Variants in DAW1 observed in about 807,000 individuals in gnomAD.
DAW1 encodes dynein assembly factor with WD repeats 1.
DAW1 carries 47 observed loss-of-function variants against 56.5 expected under a neutral mutation model. The ratio of observed to expected loss-of-function variants is 0.83; its 90% CI spans 0.66 to 1.06. The LOEUF (loss-of-function observed/expected upper bound fraction) is 1.06. DAW1 is among the 50% of genes least tolerant of loss of function. The pLI is 0.00. For synonymous variants in DAW1, 190 were observed against 179.0 expected (o/e 1.06, Z -0.49); for missense variants, 505 against 499.3 (o/e 1.01, Z -0.11).
At chr2:227,908,285 A>G (rs1691733803) in intron 10 of DAW1, among the ~76,000 whole-genome samples, 1 of 152,236 alleles carries the variant, frequency 6.6e-6, no homozygotes, top group African/African-American at 2.4e-5. Context: ...ATGCTGGGCC[A>G]TATCTGCATC....
chr2:227,893,210 C>T (rs1019291229), intron 4 of DAW1, among the ~76,000 whole-genome samples: 2 of 145,524 alleles, frequency 1.4e-5, no homozygotes, highest in African/African-American at 5.1e-5. Flanking sequence ...GCAGAGGTGG[C>T]AGTGAGCTGA....
intron 10 of DAW1, among the ~76,000 whole-genome samples, chr2:227,914,729 G>T (rs1404098186): frequency 2.0e-5 from 3 of 151,964 alleles, no homozygotes; most frequent in Non-Finnish European, 4.4e-5. Context: ...TCTTATCAGG[G>T]TCATCACCTT....
intron 6 of DAW1, among the ~76,000 whole-genome samples, chr2:227,900,167 G>T (rs1239201020): frequency 6.6e-6 from 1 of 152,156 alleles, no homozygotes; most frequent in Non-Finnish European, 1.5e-5. Context: ...ACCCTAAGAG[G>T]AAGGTATTTT....
intron 5 of DAW1, among the ~76,000 whole-genome samples, 154 bp from the exon 6 acceptor site, chr2:227,898,028 C>T (rs917009488): frequency 6.6e-6 from 1 of 151,866 alleles, no homozygotes; most frequent in Admixed American, 6.6e-5. Context: ...AAAAATTAGA[C>T]TTTTATTTTA....
chr2:227,896,628 G>GTGTGTGTGTA (rs1238320033), intron 5 of DAW1, among the ~76,000 whole-genome samples: 4 of 145,590 alleles, frequency 2.7e-5, no homozygotes, highest in Non-Finnish European at 4.6e-5. Context: ...GTGTGTGTGT[G>GTGTGTGTGTA]TGTATGAGAG....
intron 1 of DAW1, among the ~76,000 whole-genome samples, chr2:227,884,501 G>T (rs1453325779): frequency 6.6e-6 from 1 of 152,190 alleles, no homozygotes; most frequent in Non-Finnish European, 1.5e-5. Flanking sequence ...TGCGGGCGTT[G>T]GTTACAATGG....
chr2:227,923,269 C>G (rs775115780), intron 12 of DAW1, among the ~76,000 whole-genome samples: 3 of 152,184 alleles, frequency 2.0e-5, no homozygotes, highest in African/African-American at 7.2e-5. Flanking sequence ...GTGTGATAAA[C>G]TGCAGGCATT....
rs753090178 is a variant in DAW1, at chr2:227,893,929, C to A, written c.440+12C>A. 7.7e-6 allele frequency: 12 copies of A among 1,565,800 alleles called. No individual in the cohort carries two copies. Among genetic ancestry groups the A allele is most frequent in the Non-Finnish European group, 1.0e-5 (12 of 1,159,314 alleles). On this transcript the variant is annotated intron_variant, in intron 5 of 12. Transcript: ENST00000309931. ...AACAATCCTTACGGGTGTGTTCATC[C>A]CTTCACTTATTTGTTTATTAATTCA...
intron 11 of DAW1, among the ~76,000 whole-genome samples, chr2:227,920,634 G>A (rs1692082827): frequency 6.6e-6 from 1 of 151,880 alleles, no homozygotes; most frequent in South Asian, 2.1e-4. Context: ...GATTAGAGAA[G>A]GATCTGTGTG....
At chr2:227,910,354 A>G (rs1691785251) in intron 10 of DAW1, among the ~76,000 whole-genome samples, 1 of 152,088 alleles carries the variant, frequency 6.6e-6, no homozygotes, top group African/African-American at 2.4e-5. Flanking sequence ...GCACCTGTAG[A>G]CCTAACTACT....
At chr2:227,905,155 C>A in intron 8 of DAW1, 120 bp downstream of exon 8, 1 of 636,404 alleles carries the variant, frequency 1.6e-6, no homozygotes, top group Non-Finnish European at 2.5e-6. Context: ...AAAAATAGGA[C>A]ATATTGAAAA....
chr2:227,908,821 T>C lies in DAW1; in HGVS notation c.973+1569T>C, dbSNP rs116357040. On this transcript the variant is annotated intron_variant, in intron 10 of 12. Transcript: ENST00000309931. ...AAGTCTATGTCATATCGACATCACA[T>C]ACCATGCGTGATGCTATTCTGTGAG... Among the ~76,000 whole-genome samples, 988 of 152,328 alleles carry C rather than the reference T, an allele frequency of 6.5e-3. 10 individuals carry two copies. The highest frequency in any genetic ancestry group is 0.02 in the African/African-American group (818 of 41,584).
At chr2:227,871,842 G>C (rs1417861704) in intron 1 of DAW1, 113 bp downstream of exon 1, 1 of 1,448,252 alleles carries the variant, frequency 6.9e-7, no homozygotes, top group African/African-American at 1.4e-5. Context: ...TCCCCAGGTG[G>C]GGCAGGAAGT....
intron 6 of DAW1, among the ~76,000 whole-genome samples, chr2:227,899,831 CTG>C (rs2106201250): frequency 6.6e-6 from 1 of 152,302 alleles, no homozygotes; most frequent in Non-Finnish European, 1.5e-5. Flanking sequence ...CTAGAACAGA[CTG>C]TGAAATGCTT....
At chr2:227,899,499 C>T (rs926330152) in intron 6 of DAW1, among the ~76,000 whole-genome samples, 6 of 152,210 alleles carry the variant, frequency 3.9e-5, no homozygotes, top group Non-Finnish European at 1.5e-5. Context: ...ATAACCACCT[C>T]TCCTGTAACT....
In DAW1 at chr2:227,874,473, T is replaced by G. The variant is rs146541332; in HGVS notation, c.40+2744T>G. On this transcript the variant is annotated intron_variant, in intron 1 of 12. Coordinates refer to ENST00000309931, the MANE Select transcript of DAW1 (RefSeq NM_178821.3). ...AGATCTCCAATGACATTCACATTGCTAATCTACTGGCCAAGCCACAGTCCT... is the reference window on the plus strand; with the variant it reads ...AGATCTCCAATGACATTCACATTGCGAATCTACTGGCCAAGCCACAGTCCT... 2.9e-3 allele frequency among the ~76,000 whole-genome samples: 446 copies of G among 152,332 alleles called. 3 individuals are homozygous for G. The highest frequency in any genetic ancestry group is 9.9e-3 in the African/African-American group (412 of 41,576).
At chr2:227,883,463 T>C (rs75467183) in intron 1 of DAW1, among the ~76,000 whole-genome samples, 1,904 of 152,302 alleles carry the variant, frequency 0.013, 40 homozygotes, top group African/African-American at 0.038. Flanking sequence ...ATCAAAAGTG[T>C]GAAATAGACC....
At chr2:227,877,296 G>T (rs1370311593) in intron 1 of DAW1, among the ~76,000 whole-genome samples, 2 of 152,162 alleles carry the variant, frequency 1.3e-5, no homozygotes, top group Non-Finnish European at 2.9e-5. Flanking sequence ...GAGATTACAG[G>T]CATGTGCCAT....
At chr2:227,879,852 A>G (rs1055290592) in intron 1 of DAW1, among the ~76,000 whole-genome samples, 2 of 152,136 alleles carry the variant, frequency 1.3e-5, no homozygotes, top group African/African-American at 4.8e-5. Flanking sequence ...TATTAACTTG[A>G]AATATTACCT....
Sources: allele counts gnomAD v4.1 joint callset (sites outside exome capture counted in the v4.1 genomes callset), GRCh38; gene constraint gnomAD v4.1.1; transcripts MANE v1.5; gene names NCBI Gene and HGNC (gene_info 2026-07-23, HGNC 2026-07-21).